GPC2: variants seen among roughly 807,000 people sequenced by gnomAD.
GPC2 encodes the protein glypican 2, also known as glypican-2.
In GPC2, 42 loss-of-function variants were observed where a neutral mutation model predicts 57.3. The observed-to-expected ratio is 0.73, with a 90% CI of 0.57 to 0.95. The LOEUF (loss-of-function observed/expected upper bound fraction) is 0.95, where lower values mean the gene tolerates loss of function less well. Among genes scored for constraint, GPC2 ranks in the 40% least tolerant of loss-of-function variants. GPC2 has a pLI of 0.00. For synonymous variants in GPC2, 364 were observed against 343.4 expected, an observed-to-expected ratio of 1.06 and a Z score of -0.66; for missense variants, 745 against 793.6, an observed-to-expected ratio of 0.94 and a Z score of 0.74.
rs957180086 is a variant in GPC2 at position 100,171,904 on chromosome 7, G to C, written c.1045C>G (p.Pro349Ala). Residue 349 changes from proline to alanine, a missense_variant, in exon 7 of 10, where the codon CCC (proline) becomes GCC (alanine). Transcript: ENST00000292377. This position sits in a 1 kb window ranked among gnomAD's most constrained non-coding sequence, Gnocchi z 4.8. ...SAQVFQECGP[P>A]DPVPARNRRA... Reference sequence around the variant, plus strand: ...CGGTTGCGGGCAGGCACCGGGTCGGGGGGGCCGCACTCCTGAAACACCTGC... The same window carrying C: ...CGGTTGCGGGCAGGCACCGGGTCGGCGGGGCCGCACTCCTGAAACACCTGC... The C allele has an allele frequency of 2.0e-6, 3 of 1,499,138 alleles. No homozygotes were observed. Among genetic ancestry groups the C allele is most frequent in the Admixed American group, 2.2e-5 (1 of 44,788 alleles). 92.9% of individuals were successfully genotyped at this position (1,499,138 alleles called of 1,614,324 possible). A position where few individuals can be genotyped will look rare whatever the true frequency, so the allele number is the denominator to read the frequency against.
Position 100,171,572 on chromosome 7 carries a change from G to C in GPC2, c.1277C>G (p.Ala426Gly). The C allele has an allele frequency of 6.7e-7, 1 of 1,498,118 alleles. No homozygotes were observed. The highest frequency in any genetic ancestry group is 8.8e-7 in the Non-Finnish European group (1 of 1,134,596). 92.8% of individuals were successfully genotyped at this position (1,498,118 alleles called of 1,614,324 possible). ...CCCGGCTCCGGTCCAGCAGGGCGCC[G>C]CCTCCAGCGAGGCGTCCGCTGCCAT... ...SRMAADASLE[A>G]APCWTGAGRG... Residue 426 changes from alanine to glycine, a missense_variant, in exon 8 of 10, where the codon GCG becomes GGG. Physicochemically the swap from Ala to Gly is moderately conservative, Grantham distance 60. Around this residue, in one of 2 missense-constraint regions of GPC2, gnomAD observed 607 missense variants for 603.9 expected, o/e 1.01. Transcript: ENST00000292377. The surrounding 1 kb of genome is among the most constrained non-coding windows in gnomAD (Gnocchi z 4.8).
chr7:100,174,484 G>C (rs773647377), intron 4 of GPC2: 5 of 668,226 alleles, frequency 7.5e-6, no homozygotes, highest in Non-Finnish European at 1.1e-5. Context: ...GGGAGGAGGG[G>C]GTCAGAGATC....
intron 4 of GPC2, 124 bp from the exon 5 acceptor site, chr7:100,174,121 G>A: frequency 1.3e-6 from 1 of 792,446 alleles, no homozygotes; most frequent in Non-Finnish European, 1.9e-6. Context: ...GACCCCACGT[G>A]GCAGCAGGTG....
chr7:100,171,982 C>T lies in GPC2; in HGVS notation c.1024-57G>A. 1.3e-6 allele frequency: 2 copies of T among 1,557,958 alleles called. No homozygotes were observed. Among genetic ancestry groups the T allele is most frequent in the East Asian group, 2.3e-5 (1 of 44,270 alleles). ...ACCCTGGGGGGAAACCACACTGCGT[C>T]CCCACTCTGACCCCAGAGTCTCTTC... On this transcript the variant is annotated intron_variant, in intron 6 of 9. Transcript: ENST00000292377. The surrounding 1 kb of genome is among the most constrained non-coding windows in gnomAD (Gnocchi z 4.8).
chr7:100,170,406 G>A lies in GPC2; in HGVS notation c.1564C>T (p.Arg522Trp), dbSNP rs774740842. ...WMAGAVAPPARPPRPPYPPRR... is the reference protein window; with the variant it reads ...WMAGAVAPPAWPPRPPYPPRR... The stretch of plus-strand genomic sequence containing the variant: ...GGAGGGTATGGAGGCCGAGGAGGCC[G>A]GGCTGGGGGAGCCACAGCCCCAGCC... The change falls in exon 10 of 10, where the codon CGG (arginine) becomes TGG (tryptophan). Residue 522 changes from arginine to tryptophan, a missense_variant. By Grantham distance (101) the Arg-to-Trp change is moderately radical. This residue lies in a region of GPC2 where 607 missense variants were observed against 603.9 expected (regional missense o/e 1.01). Coordinates refer to ENST00000292377, the MANE Select transcript of GPC2 (RefSeq NM_152742.3). The A allele has an allele frequency of 6.8e-6, 11 of 1,610,432 alleles. No individual in the cohort carries two copies. The South Asian group carries it at 7.7e-5, about 11-fold the overall frequency.
chr7:100,176,408 T>C (rs1457371948), intron 1 of GPC2, 43 bp from the exon 2 acceptor site: 15 of 1,567,172 alleles, frequency 9.6e-6, no homozygotes, highest in Middle Eastern at 2.0e-4. Flanking sequence ...AGTGATATCC[T>C]AAAATCCCTT....
chr7:100,176,463 G>T, intron 1 of GPC2, 98 bp from the exon 2 acceptor site: 1 of 1,148,280 alleles, frequency 8.7e-7, no homozygotes, highest in Non-Finnish European at 1.3e-6. Context: ...TCTTCTACCT[G>T]CCTGGTCTCT....
At chr7:100,174,825 G>T in intron 3 of GPC2, 60 bp from the exon 4 acceptor site, 1 of 1,277,594 alleles carries the variant, frequency 7.8e-7, no homozygotes, top group Admixed American at 1.8e-5. Flanking sequence ...AGTCAAGACT[G>T]GAGCCAAGAG....
At chr7:100,173,696 A>ATCTTTC (rs1799223462) in intron 5 of GPC2, 139 bp downstream of exon 5, 1 of 424,296 alleles carries the variant, frequency 2.4e-6, no homozygotes, top group Non-Finnish European at 4.0e-6. Context: ...TTCTTTCTTG[A>ATCTTTC]GATGACGTCT....
In GPC2 at chr7:100,171,681, G is replaced by A; in HGVS notation, c.1171-3C>T. 6.7e-7 allele frequency: 1 copy of A among 1,490,300 alleles called. No individual in the cohort carries two copies. The highest frequency in any genetic ancestry group is 2.7e-5 in the East Asian group (1 of 37,184). The allele number at this position is 1,490,300 out of a possible 1,614,324, so 92.3% of individuals were successfully genotyped here. A position where few individuals can be genotyped will look rare whatever the true frequency, so the allele number is the denominator to read the frequency against. ...AGACGCTCGCGGAGCTCCCACACCTGGGCGGGCGAGAGGGGGCGGGGCGAG... is the reference window on the plus strand; with the variant it reads ...AGACGCTCGCGGAGCTCCCACACCTAGGCGGGCGAGAGGGGGCGGGGCGAG... On this transcript the variant is annotated splice_polypyrimidine_tract_variant and splice_region_variant and intron_variant, in intron 7 of 9. Transcript: ENST00000292377. This position sits in a 1 kb window ranked among gnomAD's most constrained non-coding sequence, Gnocchi z 4.8.
chr7:100,174,076 GA>G (rs1799229672), intron 4 of GPC2, 79 bp from the exon 5 acceptor site: 1 of 1,300,786 alleles, frequency 7.7e-7, no homozygotes, highest in Admixed American at 2.7e-5. Context: ...GGCACAGACA[GA>G]AATCACATAC....
chr7:100,172,757 A>ATG (rs1255201754), intron 5 of GPC2, among the ~76,000 whole-genome samples: 4 of 134,486 alleles, frequency 3.0e-5, no homozygotes, highest in African/African-American at 7.8e-5. Flanking sequence ...GTGTATATAT[A>ATG]TGTGTGTATA....
chr7:100,174,385 G>A, intron 4 of GPC2: 1 of 535,040 alleles, frequency 1.9e-6, no homozygotes, highest in Non-Finnish European at 3.4e-6. Flanking sequence ...GAGGGATCCT[G>A]GGGGGTTGGG....
Position 100,171,664 on chromosome 7 carries a change from G to T in GPC2, c.1185C>A (p.Arg395=). Residue 395 remains arginine, a synonymous_variant, in exon 8 of 10, where the codon CGC becomes CGA. Coordinates refer to ENST00000292377, the MANE Select transcript of GPC2 (RefSeq NM_152742.3). This position sits in a 1 kb window ranked among gnomAD's most constrained non-coding sequence, Gnocchi z 4.8. ...TNLHRLVWEL[R]ERLARMRGFW... is the part of the protein sequence containing the mutation. ...AGCCCCGCATCCGGGCCAGACGCTC[G>T]CGGAGCTCCCACACCTGGGCGGGCG... 1.3e-6 allele frequency: 2 copies of T among 1,506,058 alleles called. No individual in the cohort carries two copies. Among genetic ancestry groups the T allele is most frequent in the East Asian group, 2.7e-5 (1 of 37,356 alleles). 93.3% of individuals were successfully genotyped at this position (1,506,058 alleles called of 1,614,324 possible). A position where few individuals can be genotyped will look rare whatever the true frequency, so the allele number is the denominator to read the frequency against.
intron 1 of GPC2, among the ~76,000 whole-genome samples, 184 bp downstream of exon 1, chr7:100,176,850 A>C (rs1337776242): frequency 6.6e-6 from 1 of 152,174 alleles, no homozygotes; most frequent in Non-Finnish European, 1.5e-5. Flanking sequence ...TAAGAGCGCT[A>C]TTCTTTGCAT....
chr7:100,170,457 C>G lies in GPC2; in HGVS notation c.1513G>C (p.Gly505Arg). ...ATCCAGTCATCTGCATACTGCTGTC[C>G]CCCTCCAGAGCCGCTGGCATCCTCA... The part of the protein sequence containing the change: ...ADEDASGSGG[G>R]QQYADDWMAG... Residue 505 changes from glycine to arginine, a missense_variant, in exon 10 of 10, where the codon GGA becomes CGA. Transcript: ENST00000292377. 3.2e-6 allele frequency: 5 copies of G among 1,563,524 alleles called. No individual in the cohort carries two copies. Among genetic ancestry groups the G allele is most frequent in the Non-Finnish European group, 4.3e-6 (5 of 1,151,546 alleles).
rs1371793075 is a variant in GPC2 at position 100,171,230 on chromosome 7, G to C, written c.1486+31C>G. On this transcript the variant is annotated intron_variant, in intron 9 of 9. Transcript: ENST00000292377. This position sits in a 1 kb window ranked among gnomAD's most constrained non-coding sequence, Gnocchi z 4.8. ...GGGAGAGGCTTCAGGGCAGTGGGCG[G>C]GGCTCAGGCTCAGGGATGCAGGGGT... 1.3e-6 allele frequency: 2 copies of C among 1,505,684 alleles called. No homozygotes were observed. The highest frequency in any genetic ancestry group is 1.8e-6 in the Non-Finnish European group (2 of 1,125,910). 93.3% of individuals were successfully genotyped at this position (1,505,684 alleles called of 1,614,324 possible).
In GPC2 at chr7:100,177,178, G is replaced by C; in HGVS notation, c.22C>G (p.Leu8Val). The change falls in exon 1 of 10, where the codon CTG becomes GTG. Residue 8 changes from leucine (L) to valine (V), a missense_variant. Physicochemically the swap from Leu to Val is conservative, Grantham distance 32. Transcript: ENST00000292377. ...GGACACAGAGGCAGCAGCAGAAGCA[G>C]GAGAGGTCGCAGCGCGGACATAACT... is the stretch of plus-strand genomic sequence containing the variant. Reference protein sequence around the residue: MSALRPLLLLLLPLCPGP... With the variant: MSALRPLVLLLLPLCPGP... 3 of 1,613,622 alleles carry C rather than the reference G, an allele frequency of 1.9e-6. No individual in the cohort carries two copies. The highest frequency in any genetic ancestry group is 2.2e-5 in the South Asian group (2 of 90,988).
At chr7:100,176,886 G>C (rs1023574549) in intron 1 of GPC2, 148 bp downstream of exon 1, 24 of 613,050 alleles carry the variant, frequency 3.9e-5, no homozygotes, top group African/African-American at 7.6e-5. Context: ...ATCCCGGTAA[G>C]GAAGTTACAG....
Sources: gnomAD v4.1 joint callset for allele counts (sites outside exome capture counted in the v4.1 genomes callset) on GRCh38, gnomAD v4.1.1 for gene constraint, gnomAD v4.1.1 regional missense constraint, Gnocchi (gnomAD v3.1) non-coding constraint, MANE v1.5 for transcripts, NCBI Gene and HGNC (gene_info 2026-07-23, HGNC 2026-07-21) for gene names.